PCGF3: variants seen among roughly 807,000 people sequenced by gnomAD.
PCGF3 encodes the protein polycomb group RING finger protein 3.
PCGF3 carries 7 observed loss-of-function variants against 33.1 expected under a neutral mutation model. That is an observed-to-expected ratio of 0.21 (90% CI 0.12 to 0.40). The LOEUF (loss-of-function observed/expected upper bound fraction) is 0.40. Among genes scored for constraint, PCGF3 ranks in the 10% least tolerant of loss-of-function variants. The pLI is 1.00. For missense variants in PCGF3, 211 were observed against 313.3 expected (o/e 0.67, Z 2.46); for synonymous variants, 153 against 121.3 (o/e 1.26, Z -1.72).
intron 8 of PCGF3, among the ~76,000 whole-genome samples, chr4:750,704 C>T (rs1744472833): frequency 1.3e-5 from 2 of 152,174 alleles, no homozygotes; most frequent in South Asian, 2.1e-4. Context: ...CAAGTCCGGT[C>T]GTTTTTCTTG....
intron 1 of PCGF3, among the ~76,000 whole-genome samples, chr4:723,272 T>TGGAGCCAC (rs1212722673): frequency 6.6e-6 from 1 of 152,328 alleles, no homozygotes; most frequent in East Asian, 1.9e-4. Context: ...CCGGGAGCCA[T>TGGAGCCAC]GGAGCCACGT....
At chr4:769,990 A>G (rs1366864189) in exon 11 of PCGF3, 1 of 152,610 alleles carries the variant, frequency 6.6e-6, no homozygotes, top group Non-Finnish European at 1.5e-5. Context: ...CTTTTTTGGA[A>G]TATTGCTTAA....
At chr4:762,555 G>A (rs1745118861) in intron 9 of PCGF3, 2 of 152,342 alleles carry the variant, frequency 1.3e-5, no homozygotes, top group Non-Finnish European at 2.9e-5. Flanking sequence ...TGGCCAGCAT[G>A]TGTTCTCACT....
intron 6 of PCGF3, among the ~76,000 whole-genome samples, chr4:738,106 G>C (rs78528162): frequency 0.04 from 6,053 of 152,338 alleles, 160 homozygotes; most frequent in East Asian, 0.094. Context: ...CCAAGGAGGG[G>C]CCAGGTCAGC....
At chr4:735,364 T>G (rs1429757396) in intron 5 of PCGF3, among the ~76,000 whole-genome samples, 3 of 152,140 alleles carry the variant, frequency 2.0e-5, no homozygotes, top group Non-Finnish European at 4.4e-5. Context: ...CTGACCAACG[T>G]GGAGAAACCC....
rs573946675 is a variant in PCGF3 at position 720,619 on chromosome 4, G to A, written c.-189-10011G>A. 5.3e-5 allele frequency among the ~76,000 whole-genome samples: 8 copies of A among 151,376 alleles called. No homozygotes were observed. Among genetic ancestry groups the A allele is most frequent in the African/African-American group, 1.9e-4 (8 of 41,210 alleles). ...ACGTGCGTGTGGACCCGGGGTGGAC[G>A]GGCGGTGACGTGCGTGTGGACCCGG... On this transcript the variant is annotated intron_variant, in intron 1 of 10. Coordinates refer to ENST00000362003, the Ensembl canonical transcript of PCGF3. The surrounding 1 kb of genome is among the most constrained non-coding windows in gnomAD (Gnocchi z 5.6).
Position 720,718 on chromosome 4 carries a change from G to A in PCGF3, c.-189-9912G>A, listed in dbSNP as rs530769392. ...ACGTGCGTGTGGACCCGGCGTGGAC[G>A]GGCGGTGACGTGCGTGTGGACCCGG... On this transcript the variant is annotated intron_variant, in intron 1 of 10. Coordinates refer to ENST00000362003, the Ensembl canonical transcript of PCGF3. This position sits in a 1 kb window ranked among gnomAD's most constrained non-coding sequence, Gnocchi z 5.6. Among the ~76,000 whole-genome samples the A allele has an allele frequency of 3.3e-5, 5 of 151,062 alleles. No individual in the cohort carries two copies. The highest frequency in any genetic ancestry group is 1.3e-4 in the Admixed American group (2 of 15,186).
chr4:764,949 C>G lies in PCGF3; in HGVS notation c.601-35C>G, dbSNP rs191958093. ...GGCCATGTCAGTGTGGGTTGAGCAC[C>G]TCTCCGCTGCTAATCAAACCTCCTT... On this transcript the variant is annotated intron_variant, in intron 9 of 10. Coordinates refer to ENST00000362003, the Ensembl canonical transcript of PCGF3. The G allele has an allele frequency of 2.6e-6, 4 of 1,517,694 alleles. No homozygotes were observed. In the East Asian group the frequency reaches 9.0e-5, roughly 34 times the overall value. 94.0% of individuals were successfully genotyped at this position (1,517,694 alleles called of 1,614,324 possible). A position where few individuals can be genotyped will look rare whatever the true frequency, so the allele number is the denominator to read the frequency against.
chr4:724,505 T>G (rs1246230680), intron 1 of PCGF3, among the ~76,000 whole-genome samples: 1 of 152,206 alleles, frequency 6.6e-6, no homozygotes, highest in Non-Finnish European at 1.5e-5. Context: ...GTTTATTTAC[T>G]TCATAAAATA....
At position 711,443 on chromosome 4, in the gene PCGF3, C is replaced by CTTTTTTTTTTTTTTTTT. The variant is rs201359627; in HGVS notation, c.-190+5483_-190+5484insTTTTTTTTTTTTTTTTT. ...AATTGAAGTTGAAAATGTAATTTTT[C>CTTTTTTTTTTTTTTTTT]TTTTTTTTTTCTTTTTTTTTTTTTT... On this transcript the variant is annotated intron_variant, in intron 1 of 10. Transcript: ENST00000362003. 1.6e-5 allele frequency among the ~76,000 whole-genome samples: 2 copies of CTTTTTTTTTTTTTTTTT among 122,940 alleles called. 1 individual carries two copies. Among genetic ancestry groups the CTTTTTTTTTTTTTTTTT allele is most frequent in the African/African-American group, 5.7e-5 (2 of 35,148 alleles). The allele number at this position is 122,940 out of a possible 152,430, so 80.7% of individuals were successfully genotyped here. A position where few individuals can be genotyped will look rare whatever the true frequency, so the allele number is the denominator to read the frequency against.
intron 1 of PCGF3, among the ~76,000 whole-genome samples, chr4:718,093 TG>T (rs1742931422): frequency 6.6e-6 from 1 of 152,110 alleles, no homozygotes; most frequent in African/African-American, 2.4e-5. Context: ...CAGAGGTGTC[TG>T]GGGCTCCCTG....
At chr4:734,388 A>G in intron 4 of PCGF3, 1 of 1,394,646 alleles carries the variant, frequency 7.2e-7, no homozygotes. Context: ...TTGTTTAAAC[A>G]GGATCTTTAA....
chr4:755,932 T>G lies in PCGF3; in HGVS notation c.463-5347T>G, dbSNP rs75592533. Among the ~76,000 whole-genome samples the G allele has an allele frequency of 3.6e-3, 407 of 112,598 alleles. 3 individuals are homozygous for G. The highest frequency in any genetic ancestry group is 0.018 in the African/African-American group (392 of 22,266). 73.9% of individuals were successfully genotyped at this position (112,598 alleles called of 152,430 possible). On this transcript the variant is annotated intron_variant, in intron 8 of 10. Coordinates refer to ENST00000362003, the Ensembl canonical transcript of PCGF3. ...TTTTTTTTTTTTTTTTTTTTTTTTT[T>G]GGAGATGGAGTTTCCCTCTTGCCCA...
chr4:710,546 G>A (rs1280348513), intron 1 of PCGF3, among the ~76,000 whole-genome samples: 1 of 152,256 alleles, frequency 6.6e-6, no homozygotes, highest in African/African-American at 2.4e-5. Context: ...CATCCCGTAA[G>A]TAAATCAGCG....
chr4:752,726 C>T (rs907663344), intron 8 of PCGF3, among the ~76,000 whole-genome samples: 3 of 152,208 alleles, frequency 2.0e-5, no homozygotes, highest in Non-Finnish European at 4.4e-5. Flanking sequence ...CGGTTCCAGG[C>T]CCCCGGGGTC....
At chr4:757,298 G>T (rs1031453606) in intron 8 of PCGF3, 2 of 152,106 alleles carry the variant, frequency 1.3e-5, no homozygotes, top group Non-Finnish European at 2.9e-5. Context: ...CCTCAGACCT[G>T]TGCCTGCGTG....
At chr4:734,486 C>T in intron 4 of PCGF3, 2 of 1,238,368 alleles carry the variant, frequency 1.6e-6, no homozygotes, top group Non-Finnish European at 2.0e-6. Flanking sequence ...AGAATTTTGA[C>T]TTTAACGTTA....
chr4:735,026 G>A (rs770005395), exon 5 of PCGF3: 17 of 1,611,266 alleles, frequency 1.1e-5, no homozygotes, highest in Admixed American at 6.7e-5. Flanking sequence ...GCAGTACATC[G>A]GGTGAGTGTG....
At chr4:706,367 GACCC>G (rs1262401584) in intron 1 of PCGF3, among the ~76,000 whole-genome samples, 41 of 144,982 alleles carry the variant, frequency 2.8e-4, no homozygotes, top group East Asian at 6.3e-4. Context: ...GGGAGGGCAA[GACCC>G]CAGTCCAGGC....
Sources: gnomAD v4.1 joint callset for allele counts (sites outside exome capture counted in the v4.1 genomes callset) on GRCh38, gnomAD v4.1.1 for gene constraint, Gnocchi (gnomAD v3.1) non-coding constraint, MANE v1.5 for transcripts, NCBI Gene and HGNC (gene_info 2026-07-23, HGNC 2026-07-21) for gene names.